The following MRRF variants were observed in gnomAD, a reference collection of about 807,000 sequenced individuals.
MRRF encodes the protein mitochondrial ribosome recycling factor.
In MRRF, 18 loss-of-function variants were observed where a neutral mutation model predicts 25.1. The observed-to-expected ratio is 0.72, with a 90% CI of 0.50 to 1.06. The LOEUF is 1.06. Among genes scored for constraint, MRRF ranks in the 50% least tolerant of loss-of-function variants. The probability of loss-of-function intolerance (pLI) is 0.00; values close to 1 mark genes in which losing one functional copy is unlikely to be tolerated. For missense variants in MRRF, 323 were observed against 319.3 expected (o/e 1.01, Z -0.09); for synonymous variants, 113 against 112.1 (o/e 1.01, Z -0.05).
intron 5 of MRRF, among the ~76,000 whole-genome samples, chr9:122,297,609 T>C (rs1834171868): frequency 6.6e-6 from 1 of 152,208 alleles, no homozygotes; most frequent in Non-Finnish European, 1.5e-5. Flanking sequence ...TTTAAATTTT[T>C]TCTCTTTTGC....
At chr9:122,266,740 CAG>C (rs1381684241) in intron 1 of MRRF, among the ~76,000 whole-genome samples, 2 of 152,288 alleles carry the variant, frequency 1.3e-5, no homozygotes, top group South Asian at 2.1e-4. Context: ...CTGTGAAGAA[CAG>C]GGAAATCGTT....
chr9:122,312,776 G>T (rs934048188), intron 5 of MRRF, among the ~76,000 whole-genome samples: 1 of 152,112 alleles, frequency 6.6e-6, no homozygotes, highest in Non-Finnish European at 1.5e-5. Context: ...CTCTTTTCTT[G>T]TCACTCCTTT....
At chr9:122,291,426 G>GC (rs1833760332) in intron 4 of MRRF, among the ~76,000 whole-genome samples, 1 of 152,190 alleles carries the variant, frequency 6.6e-6, no homozygotes, top group Non-Finnish European at 1.5e-5. Flanking sequence ...GCAGAGACCA[G>GC]CCCCCCTCCC....
intron 5 of MRRF, among the ~76,000 whole-genome samples, chr9:122,303,819 A>G (rs1834636219): frequency 6.6e-6 from 1 of 152,212 alleles, no homozygotes; most frequent in African/African-American, 2.4e-5. Flanking sequence ...TCTGTTTCCA[A>G]AGCCCGGGCT....
rs533715825 is a variant in MRRF at position 122,301,523 on chromosome 9, T to A, written c.551+9683T>A. 4.6e-5 allele frequency among the ~76,000 whole-genome samples: 7 copies of A among 152,296 alleles called. No individual in the cohort carries two copies. In the East Asian group the frequency reaches 1.2e-3, roughly 25 times the overall value. On this transcript the variant is annotated intron_variant, in intron 5 of 6. Transcript: ENST00000344641. ...AATGGGATCATAGAATATTTACTTT[T>A]GTGAAGATTTGTTGGGAGAAGCTCC...
intron 6 of MRRF, among the ~76,000 whole-genome samples, chr9:122,319,873 A>AT (rs1428040119): frequency 6.8e-6 from 1 of 148,128 alleles, no homozygotes; most frequent in African/African-American, 2.5e-5. Flanking sequence ...TATTTTCATT[A>AT]ATTTTTTTTT....
chr9:122,331,240 G>A lies in MRRF; in HGVS notation c.*8623G>A, dbSNP rs867124190. On this transcript the variant is annotated 3_prime_UTR_variant, in exon 7 of 7. Coordinates refer to ENST00000344641, the MANE Select transcript of MRRF (RefSeq NM_138777.5). ...GTAAAATAAAAGTAATGTAGCAAAT[G>A]TTTTTATAAAAGTGTTAATTTAAAT... 7 of 152,076 alleles carry A rather than the reference G, an allele frequency of 4.6e-5. No individual in the cohort carries two copies. The highest frequency in any genetic ancestry group is 1.4e-4 in the African/African-American group (6 of 41,398). 9.4% of individuals were successfully genotyped at this position (152,076 alleles called of 1,614,324 possible).
chr9:122,311,887 T>C (rs903112625), intron 5 of MRRF, among the ~76,000 whole-genome samples: 1 of 152,260 alleles, frequency 6.6e-6, no homozygotes, highest in Admixed American at 6.5e-5. Context: ...GTTTTAATTT[T>C]CCTGTTCCTT....
rs1835475552 is a variant in MRRF at position 122,315,772 on chromosome 9, AG to A, written c.711+2389del. Among the ~76,000 whole-genome samples, 4 of 151,814 alleles carry A rather than the reference AG, an allele frequency of 2.6e-5. No individual in the cohort carries two copies. In the South Asian group the frequency reaches 8.4e-4, roughly 32 times the overall value. On this transcript the variant is annotated intron_variant, in intron 6 of 6. Transcript: ENST00000344641. ...CTTGGTGGTAAGCCTATGGACCTTCAGGGCCTGCCAGGCACTAGTCACTCAG... is the reference window on the plus strand; with the variant it reads ...CTTGGTGGTAAGCCTATGGACCTTCAGGCCTGCCAGGCACTAGTCACTCAG...
intron 4 of MRRF, among the ~76,000 whole-genome samples, chr9:122,289,382 C>G (rs1245015959): frequency 6.6e-6 from 1 of 152,076 alleles, no homozygotes; most frequent in African/African-American, 2.4e-5. Flanking sequence ...TAGTTCCTGC[C>G]CAGCTTGGTG....
intron 5 of MRRF, among the ~76,000 whole-genome samples, chr9:122,311,794 A>T (rs1835221486): frequency 6.6e-6 from 1 of 152,182 alleles, no homozygotes; most frequent in Non-Finnish European, 1.5e-5. Context: ...GAAGTTTATG[A>T]GGTTTCTTAA....
chr9:122,287,178 C>T lies in MRRF; in HGVS notation c.459+1891C>T, dbSNP rs116243208. 6.5e-3 allele frequency among the ~76,000 whole-genome samples: 986 copies of T among 152,320 alleles called. 9 individuals carry two copies. The highest frequency in any genetic ancestry group is 0.023 in the African/African-American group (961 of 41,574). On this transcript the variant is annotated intron_variant, in intron 4 of 6. Transcript: ENST00000344641. ...AGCACAATTCTTTTTCTTTATTGCA[C>T]TTATTACTAGTGTACATTTGTGTAC... is the stretch of plus-strand genomic sequence containing the variant.
intron 1 of MRRF, among the ~76,000 whole-genome samples, chr9:122,270,188 G>A (rs1410818815): frequency 6.6e-6 from 1 of 152,258 alleles, no homozygotes; most frequent in Non-Finnish European, 1.5e-5. Flanking sequence ...CTAGGGCTGT[G>A]TTCTATCCTG....
chr9:122,310,063 A>T (rs1440625006), intron 5 of MRRF, among the ~76,000 whole-genome samples: 1 of 152,244 alleles, frequency 6.6e-6, no homozygotes, highest in African/African-American at 2.4e-5. Flanking sequence ...CTTGTACTGG[A>T]TGCTTCCCAT....
At chr9:122,297,631 CAAT>C (rs1834173528) in intron 5 of MRRF, among the ~76,000 whole-genome samples, 1 of 152,184 alleles carries the variant, frequency 6.6e-6, no homozygotes, top group Admixed American at 6.5e-5. Context: ...AACCATGTCT[CAAT>C]GATTTTCTAA....
rs560922348 is a variant in MRRF, at chr9:122,281,030, C to T, written c.340+432C>T. ...CTCATAGTAACTGACATCTTTGGTC[C>T]GATTTTTCCAATTTGTCCTGTTTGG... is the stretch of plus-strand genomic sequence containing the variant. On this transcript the variant is annotated intron_variant, in intron 3 of 6. Transcript: ENST00000344641. Among the ~76,000 whole-genome samples, 135 of 152,186 alleles carry T rather than the reference C, an allele frequency of 8.9e-4. 2 individuals carry two copies. The highest frequency in any genetic ancestry group is 3.1e-3 in the African/African-American group (128 of 41,512).
At chr9:122,291,485 T>A (rs1396961492) in intron 4 of MRRF, among the ~76,000 whole-genome samples, 1 of 152,188 alleles carries the variant, frequency 6.6e-6, no homozygotes, top group Admixed American at 6.5e-5. Flanking sequence ...ACCATTGAAA[T>A]CTTTTCAAAG....
chr9:122,317,432 T>G (rs1364304019), intron 6 of MRRF, among the ~76,000 whole-genome samples: 1 of 152,130 alleles, frequency 6.6e-6, no homozygotes. Context: ...CCAAAATAAA[T>G]AATCAAGAGC....
At chr9:122,310,090 A>G (rs545362407) in intron 5 of MRRF, among the ~76,000 whole-genome samples, 1 of 152,310 alleles carries the variant, frequency 6.6e-6, no homozygotes, top group Non-Finnish European at 1.5e-5. Context: ...CCTCATCTAA[A>G]TCTCACAATA....
Sources: gnomAD v4.1 joint callset for allele counts (sites outside exome capture counted in the v4.1 genomes callset) on GRCh38, gnomAD v4.1.1 for gene constraint, MANE v1.5 for transcripts, NCBI Gene and HGNC (gene_info 2026-07-23, HGNC 2026-07-21) for gene names.